The following NSL1 variants were observed in gnomAD, a reference collection of about 807,000 sequenced individuals.
NSL1 encodes the protein NSL1 component of MIS12 kinetochore complex, also known as kinetochore-associated protein NSL1 homolog.
A neutral mutation model predicts 25.4 loss-of-function variants in NSL1; 11 were observed. The observed-to-expected ratio is 0.43, with a 90% CI of 0.27 to 0.72. The LOEUF (loss-of-function observed/expected upper bound fraction) is 0.72, where lower values mean the gene tolerates loss of function less well. NSL1 is among the 30% of genes least tolerant of loss of function. NSL1 has a pLI of 0.19. For synonymous variants in NSL1, 118 were observed against 120.6 expected (o/e 0.98, Z 0.14); for missense variants, 330 against 342.7 (o/e 0.96, Z 0.29).
chr1:212,737,781 CAA>C lies in NSL1; in HGVS notation c.*625_*626del. The C allele has an allele frequency of 4.1e-6, 4 of 985,330 alleles. No individual in the cohort carries two copies. The highest frequency in any genetic ancestry group is 4.8e-6 in the Non-Finnish European group (4 of 829,866). The allele number at this position is 985,330 out of a possible 1,614,324, so 61.0% of individuals were successfully genotyped here. A position where few individuals can be genotyped will look rare whatever the true frequency, so the allele number is the denominator to read the frequency against. ...ATTGGCTACATGCCAATTTTTATTT[CAA>C]AGAGTAATGTTGCACAAATAATAGT... On this transcript the variant is annotated 3_prime_UTR_variant, in exon 6 of 6. Coordinates refer to ENST00000366977, the MANE Select transcript of NSL1 (RefSeq NM_015471.4).
chr1:212,769,908 A>C (rs1004863095), intron 4 of NSL1, among the ~76,000 whole-genome samples: 1 of 152,194 alleles, frequency 6.6e-6, no homozygotes, highest in Admixed American at 6.5e-5. Flanking sequence ...ATAATAGCTT[A>C]ATGGATAAAA....
intron 4 of NSL1, among the ~76,000 whole-genome samples, chr1:212,770,942 A>G (rs941773532): frequency 6.6e-6 from 1 of 152,230 alleles, no homozygotes; most frequent in Admixed American, 6.5e-5. Context: ...AACAGAATGA[A>G]GCACAAATAT....
At chr1:212,751,137 TA>T (rs1301984690) in intron 4 of NSL1, among the ~76,000 whole-genome samples, 1 of 152,256 alleles carries the variant, frequency 6.6e-6, no homozygotes, top group African/African-American at 2.4e-5. Context: ...AATGAAAGAT[TA>T]AAAGTGAAGC....
intron 4 of NSL1, among the ~76,000 whole-genome samples, chr1:212,750,810 G>A (rs1196716661): frequency 2.6e-5 from 4 of 152,002 alleles, no homozygotes; most frequent in Admixed American, 6.6e-5. Context: ...GCATGGTGGC[G>A]GGCGCCTGTA....
In NSL1 at chr1:212,731,219, G is replaced by T. The variant is rs112737280; in HGVS notation, c.*7189C>A. ...AAAAAACCTGAAGAAACCAAAACTA[G>T]AATTATCAGCCAAAAACAGAGAATA... On this transcript the variant is annotated 3_prime_UTR_variant, in exon 6 of 6. Transcript: ENST00000366977. The T allele has an allele frequency of 4.2e-3, 4,090 of 983,584 alleles. 143 individuals carry two copies. In the African/African-American group the frequency reaches 0.067, roughly 16 times the overall value. The allele number at this position is 983,584 out of a possible 1,614,324, so 60.9% of individuals were successfully genotyped here. A position where few individuals can be genotyped will look rare whatever the true frequency, so the allele number is the denominator to read the frequency against.
intron 4 of NSL1, among the ~76,000 whole-genome samples, chr1:212,745,414 T>C (rs73081830): frequency 0.23 from 34,421 of 151,552 alleles, 4,619 homozygotes; most frequent in African/African-American, 0.38. Context: ...CACATCAAGA[T>C]ACATACTAAT....
At position 212,727,178 on chromosome 1, in the gene NSL1, T is replaced by C. The variant is rs774141495; in HGVS notation, c.*11230A>G. 1 of 1,562,264 alleles carries C rather than the reference T, an allele frequency of 6.4e-7. No homozygotes were observed. The highest frequency in any genetic ancestry group is 8.7e-7 in the Non-Finnish European group (1 of 1,154,354). On this transcript the variant is annotated 3_prime_UTR_variant, in exon 6 of 6. Coordinates refer to ENST00000366977, the MANE Select transcript of NSL1 (RefSeq NM_015471.4). ...CTAGAGCTAGTCCACCAGGCTTGGC[T>C]CCTAATGTGTTAAATGGGGGTGAAT...
chr1:212,736,371 CTT>C lies in NSL1; in HGVS notation c.*2035_*2036del. On this transcript the variant is annotated 3_prime_UTR_variant, in exon 6 of 6. Transcript: ENST00000366977. ...TTTAAGACCCTATTCAATCCAGACTCTTTTTATCATAGAGCAAGATTTGATTT... is the reference window on the plus strand; with the variant it reads ...TTTAAGACCCTATTCAATCCAGACTCTTTATCATAGAGCAAGATTTGATTT... 1.0e-6 allele frequency: 1 copy of C among 985,308 alleles called. No individual in the cohort carries two copies. The highest frequency in any genetic ancestry group is 1.2e-6 in the Non-Finnish European group (1 of 829,826). The allele number at this position is 985,308 out of a possible 1,614,324, so 61.0% of individuals were successfully genotyped here.
At chr1:212,773,534 A>G (rs544615076) in intron 4 of NSL1, among the ~76,000 whole-genome samples, 5 of 152,318 alleles carry the variant, frequency 3.3e-5, no homozygotes, top group African/African-American at 1.2e-4. Context: ...ATAAAAAATA[A>G]CAAATGCTGG....
intron 5 of NSL1, 80 bp from the exon 6 acceptor site, chr1:212,738,766 A>AT (rs72163165): frequency 0.05 from 47,829 of 952,136 alleles, 72 homozygotes; most frequent in South Asian, 0.075. Context: ...CAGTACTCTA[A>AT]TTTTTTTTTT....
chr1:212,789,244 TC>T (rs1407354700), intron 1 of NSL1, among the ~76,000 whole-genome samples: 1 of 152,196 alleles, frequency 6.6e-6, no homozygotes, highest in Non-Finnish European at 1.5e-5. Flanking sequence ...GGAGTTTCAC[TC>T]TTGTCAACCA....
chr1:212,781,982 G>A (rs1464290257), intron 4 of NSL1: 1 of 482,444 alleles, frequency 2.1e-6, no homozygotes, highest in Admixed American at 2.4e-5. Context: ...GAAATAATGA[G>A]AAACCAATGA....
At chr1:212,783,806 G>A (rs1028215473) in intron 3 of NSL1, among the ~76,000 whole-genome samples, 17 of 152,070 alleles carry the variant, frequency 1.1e-4, no homozygotes, top group African/African-American at 3.1e-4. Flanking sequence ...GGAAGTCTAC[G>A]GCTCTGCTTG....
chr1:212,778,423 T>C (rs1300345222), intron 4 of NSL1, among the ~76,000 whole-genome samples: 3 of 152,150 alleles, frequency 2.0e-5, no homozygotes, highest in South Asian at 2.1e-4. Context: ...CTCTCCCCTC[T>C]CCCCACGGTC....
At chr1:212,779,556 T>TG (rs1358124491) in intron 4 of NSL1, among the ~76,000 whole-genome samples, 2 of 58,766 alleles carry the variant, frequency 3.4e-5, no homozygotes, top group African/African-American at 7.5e-5. Flanking sequence ...GGGAGGGAGG[T>TG]GGGGGTGTCA....
chr1:212,745,080 G>C (rs1658697246), intron 4 of NSL1, among the ~76,000 whole-genome samples: 1 of 145,934 alleles, frequency 6.9e-6, no homozygotes, highest in Non-Finnish European at 1.5e-5. Context: ...AGGTTGCAGT[G>C]AGCCAAGATT....
Position 212,727,346 on chromosome 1 carries a change from C to T in NSL1, c.*11062G>A. On this transcript the variant is annotated 3_prime_UTR_variant, in exon 6 of 6. Coordinates refer to ENST00000366977, the MANE Select transcript of NSL1 (RefSeq NM_015471.4). ...TACTGAGGGGCAGTAAGTCCTGGCA[C>T]TCAGCACATGGCAGGAAGGTCACTT... 1.0e-6 allele frequency: 1 copy of T among 985,406 alleles called. No homozygotes were observed. The highest frequency in any genetic ancestry group is 1.2e-6 in the Non-Finnish European group (1 of 829,926). 61.0% of individuals were successfully genotyped at this position (985,406 alleles called of 1,614,324 possible).
chr1:212,784,006 C>CA (rs201257527), intron 3 of NSL1: 137 of 152,210 alleles, frequency 9.0e-4, no homozygotes, highest in East Asian at 3.8e-3. Flanking sequence ...AAATATATGC[C>CA]AAAAAAAAAC....
chr1:212,735,860 T>C lies in NSL1; in HGVS notation c.*2548A>G, dbSNP rs1168903270. ...AGAAACTGCATTTGCCAGCACCTTC[T>C]CATGGACTTCTAGCCTCCAGAACTG... On this transcript the variant is annotated 3_prime_UTR_variant, in exon 6 of 6. Transcript: ENST00000366977. 2 of 810,150 alleles carry C rather than the reference T, an allele frequency of 2.5e-6. No individual in the cohort carries two copies. The highest frequency in any genetic ancestry group is 3.7e-5 in the African/African-American group (2 of 53,796). 50.2% of individuals were successfully genotyped at this position (810,150 alleles called of 1,614,324 possible).
Sources: allele counts gnomAD v4.1 joint callset (sites outside exome capture counted in the v4.1 genomes callset), GRCh38; gene constraint gnomAD v4.1.1; transcripts MANE v1.5; gene names NCBI Gene and HGNC (gene_info 2026-07-23, HGNC 2026-07-21).